The following MKLN1 variants were observed in gnomAD, a reference collection of about 807,000 sequenced individuals.
MKLN1 encodes the protein muskelin 1.
In MKLN1, 18 loss-of-function variants were observed where a neutral mutation model predicts 99.0. The observed-to-expected ratio is 0.18, with a 90% CI of 0.13 to 0.27. MKLN1 has a LOEUF of 0.27. Among genes scored for constraint, MKLN1 ranks in the 10% least tolerant of loss-of-function variants. The probability of loss-of-function intolerance (pLI) is 1.00; values close to 1 mark genes in which losing one functional copy is unlikely to be tolerated. For missense variants in MKLN1, 621 were observed against 875.9 expected, an observed-to-expected ratio of 0.71 and a Z score of 3.67; for synonymous variants, 288 against 293.2, an observed-to-expected ratio of 0.98 and a Z score of 0.18.
intron 1 of MKLN1, among the ~76,000 whole-genome samples, chr7:131,140,832 G>C (rs1438955883): frequency 1.3e-5 from 2 of 151,816 alleles, no homozygotes; most frequent in African/African-American, 4.8e-5. Context: ...CAGGCTGGAG[G>C]GCAGTGGCAC....
chr7:131,439,554 A>G lies in MKLN1; in HGVS notation c.1173+1557A>G, dbSNP rs555427590. On this transcript the variant is annotated intron_variant, in intron 10 of 17. Transcript: ENST00000352689. Reference sequence around the variant, plus strand: ...TGTATAATCCTGCATTTGCTATTCTATTTCATACAAATAAAGCTATAAGTT... The same window carrying G: ...TGTATAATCCTGCATTTGCTATTCTGTTTCATACAAATAAAGCTATAAGTT... 2.6e-5 allele frequency among the ~76,000 whole-genome samples: 4 copies of G among 152,286 alleles called. No homozygotes were observed. The East Asian group carries it at 7.7e-4, about 29-fold the overall frequency.
At chr7:131,367,033 A>G (rs1800203363) in intron 1 of MKLN1, among the ~76,000 whole-genome samples, 2 of 152,206 alleles carry the variant, frequency 1.3e-5, no homozygotes, top group South Asian at 2.1e-4. Flanking sequence ...ATAAAGACAT[A>G]TAACTTGGGA....
chr7:131,272,562 T>G (rs1797902160), intron 3 of MKLN1, among the ~76,000 whole-genome samples: 2 of 152,128 alleles, frequency 1.3e-5, no homozygotes, highest in South Asian at 4.2e-4. Flanking sequence ...GAGAGAGGCA[T>G]GATCACTGGA....
At chr7:131,345,511 G>A (rs774360647) in intron 1 of MKLN1, among the ~76,000 whole-genome samples, 23 of 152,148 alleles carry the variant, frequency 1.5e-4, no homozygotes, top group Non-Finnish European at 3.1e-4. Flanking sequence ...GAGTCCAGAA[G>A]TTGGAGAATA....
chr7:131,200,592 G>C (rs1796712597), intron 2 of MKLN1, among the ~76,000 whole-genome samples: 1 of 152,158 alleles, frequency 6.6e-6, no homozygotes, highest in Non-Finnish European at 1.5e-5. Flanking sequence ...GGGTCAAATA[G>C]GTGGAAGAAG....
chr7:131,354,488 C>T (rs895529482), intron 1 of MKLN1, among the ~76,000 whole-genome samples: 1 of 145,220 alleles, frequency 6.9e-6, no homozygotes, highest in African/African-American at 2.6e-5. Context: ...CGTTGCTGAA[C>T]TCATTAGTCC....
chr7:131,472,361 C>T (rs1354110673), intron 16 of MKLN1: 2 of 152,116 alleles, frequency 1.3e-5, no homozygotes, highest in Admixed American at 6.5e-5. Context: ...GAAAACAAGA[C>T]AGTTTGTTCT....
intron 1 of MKLN1, among the ~76,000 whole-genome samples, chr7:131,138,531 TTAGA>T (rs1795685416): frequency 6.6e-6 from 1 of 152,198 alleles, no homozygotes; most frequent in Non-Finnish European, 1.5e-5. Context: ...TTACTGTAAA[TTAGA>T]TAGTCTAAAA....
At chr7:131,128,205 C>CAA (rs11339275) in intron 1 of MKLN1, among the ~76,000 whole-genome samples, 21 of 85,308 alleles carry the variant, frequency 2.5e-4, no homozygotes, top group East Asian at 2.3e-3. Flanking sequence ...GCCTCTGATT[C>CAA]AAAAAAAAAA....
At chr7:131,165,528 C>T (rs542676170) in intron 2 of MKLN1, among the ~76,000 whole-genome samples, 5 of 151,808 alleles carry the variant, frequency 3.3e-5, no homozygotes, top group African/African-American at 7.3e-5. Context: ...GAAGTGGAGA[C>T]GATGTAAGCA....
At chr7:131,388,751 T>G (rs1022048161) in intron 3 of MKLN1, 133 bp from the exon 4 acceptor site, 1 of 559,906 alleles carries the variant, frequency 1.8e-6, no homozygotes, top group African/African-American at 1.9e-5. Context: ...GTTCAACTAC[T>G]TGTTTATATT....
chr7:131,374,749 G>A (rs891933244), intron 1 of MKLN1, among the ~76,000 whole-genome samples: 12 of 151,882 alleles, frequency 7.9e-5, no homozygotes, highest in Admixed American at 4.6e-4. Context: ...ATGCCTAAAA[G>A]TGCATCTTAC....
chr7:131,353,311 T>C (rs879733666), intron 1 of MKLN1, among the ~76,000 whole-genome samples: 2 of 151,984 alleles, frequency 1.3e-5, no homozygotes, highest in Admixed American at 1.3e-4. Flanking sequence ...ATGATAGGCA[T>C]ATAGTGATAT....
chr7:131,329,334 GA>G (rs1212989690), intron 1 of MKLN1, among the ~76,000 whole-genome samples: 1 of 152,192 alleles, frequency 6.6e-6, no homozygotes, highest in Non-Finnish European at 1.5e-5. Flanking sequence ...CCTGTGGTTT[GA>G]TCTGGCCTGC....
intron 2 of MKLN1, among the ~76,000 whole-genome samples, chr7:131,178,338 C>T (rs1006992672): frequency 7.6e-6 from 1 of 131,416 alleles, no homozygotes; most frequent in Non-Finnish European, 1.5e-5. Flanking sequence ...GGTTTTGCCA[C>T]GTTGGCCAGG....
chr7:131,243,034 GAA>G, intron 3 of MKLN1: 5 of 464,980 alleles, frequency 1.1e-5, no homozygotes, highest in Admixed American at 2.7e-5. Flanking sequence ...AAATTAAACA[GAA>G]AAAAAAAAGG....
chr7:131,188,975 T>A, intron 2 of MKLN1, among the ~76,000 whole-genome samples: 1 of 152,062 alleles, frequency 6.6e-6, no homozygotes, highest in East Asian at 1.9e-4. Flanking sequence ...TGGAAAGAAG[T>A]CTGTTGGAAA....
intron 3 of MKLN1, among the ~76,000 whole-genome samples, chr7:131,227,535 T>TTCTTTCTTTCTTTCTC (rs1191244680): frequency 1.4e-5 from 2 of 145,768 alleles, no homozygotes; most frequent in Non-Finnish European, 3.0e-5. Context: ...CTTTCTTTCT[T>TTCTTTCTTTCTTTCTC]TCTCTCTTTC....
intron 1 of MKLN1, among the ~76,000 whole-genome samples, chr7:131,365,345 A>G (rs1800149028): frequency 6.6e-6 from 1 of 152,228 alleles, no homozygotes; most frequent in Non-Finnish European, 1.5e-5. Flanking sequence ...GCTGTATATT[A>G]GACCTTTGTC....
Sources: allele counts gnomAD v4.1 joint callset (sites outside exome capture counted in the v4.1 genomes callset), GRCh38; gene constraint gnomAD v4.1.1; transcripts MANE v1.5; gene names NCBI Gene and HGNC (gene_info 2026-07-23, HGNC 2026-07-21).